The following TIPIN variants were observed in gnomAD, a reference collection of about 807,000 sequenced individuals.
The protein encoded by TIPIN is TIMELESS-interacting protein.
TIPIN carries 29 observed loss-of-function variants against 35.6 expected under a neutral mutation model. The observed-to-expected ratio is 0.82, with a 90% CI of 0.61 to 1.11. The LOEUF (loss-of-function observed/expected upper bound fraction) is 1.11, where lower values mean the gene tolerates loss of function less well. TIPIN is among the 50% of genes most tolerant of loss of function. TIPIN has a pLI of 0.00. For missense variants in TIPIN, 296 were observed against 345.4 expected (o/e 0.86, Z 1.13); for synonymous variants, 102 against 121.5 (o/e 0.84, Z 1.06).
At chr15:66,344,261 C>T (rs749063273) in intron 6 of TIPIN, among the ~76,000 whole-genome samples, 1 of 151,876 alleles carries the variant, frequency 6.6e-6, no homozygotes, top group Non-Finnish European at 1.5e-5. Flanking sequence ...ACTCTGGTCC[C>T]TAACTCCTGG....
chr15:66,345,391 T>C (rs1438506714), intron 6 of TIPIN, among the ~76,000 whole-genome samples: 3 of 151,906 alleles, frequency 2.0e-5, no homozygotes, highest in South Asian at 4.2e-4. Context: ...TTGGGCAACA[T>C]AGTGAGATCC....
intron 1 of TIPIN, among the ~76,000 whole-genome samples, chr15:66,378,871 G>A (rs2093307496): frequency 6.6e-6 from 1 of 151,804 alleles, no homozygotes; most frequent in South Asian, 2.1e-4. Flanking sequence ...CAAGTAGCTG[G>A]GACTACAGGG....
At chr15:66,375,066 C>T (rs1169012054) in intron 1 of TIPIN, among the ~76,000 whole-genome samples, 1 of 151,772 alleles carries the variant, frequency 6.6e-6, no homozygotes, top group African/African-American at 2.4e-5. Flanking sequence ...TGTGTTAATG[C>T]GTAGGGGTTC....
At chr15:66,373,191 C>G (rs1303527768) in intron 1 of TIPIN, among the ~76,000 whole-genome samples, 3 of 151,984 alleles carry the variant, frequency 2.0e-5, no homozygotes, top group African/African-American at 7.2e-5. Context: ...GACTGTATAT[C>G]GAAATAAAAT....
At chr15:66,359,619 G>A (rs192803053), upstream of TIPIN, among the ~76,000 whole-genome samples, 149 of 152,280 alleles carry the variant, frequency 9.8e-4, no homozygotes, top group Middle Eastern at 3.4e-3. Context: ...AAAGTGCTGG[G>A]ATTACAGGCG....
chr15:66,349,136 A>C lies in TIPIN; in HGVS notation c.412-13T>G. ...GTTTTAAACAGGTCTGAAAATGAAA[A>C]GAGATTATTTATTTTTACCTCTTTA... On this transcript the variant is annotated splice_polypyrimidine_tract_variant and intron_variant, in intron 5 of 7. Coordinates refer to ENST00000261881, the MANE Select transcript of TIPIN (RefSeq NM_017858.3). 1 of 1,609,824 alleles carries C rather than the reference A, an allele frequency of 6.2e-7. No individual in the cohort carries two copies. Among genetic ancestry groups the C allele is most frequent in the Non-Finnish European group, 8.5e-7 (1 of 1,177,998 alleles).
intron 1 of TIPIN, among the ~76,000 whole-genome samples, chr15:66,353,903 G>T (rs1268965754): frequency 6.6e-6 from 1 of 151,946 alleles, no homozygotes; most frequent in African/African-American, 2.4e-5. Flanking sequence ...GACGGACCAT[G>T]AGGTCAGGAG....
intron 3 of TIPIN, 48 bp downstream of exon 3, chr15:66,352,081 G>C (rs762111181): frequency 7.2e-7 from 1 of 1,396,820 alleles, no homozygotes; most frequent in Non-Finnish European, 9.8e-7. Context: ...AAAAACAATG[G>C]ATATTAAAAA....
At chr15:66,371,104 G>T in intron 1 of TIPIN, 1 of 405,474 alleles carries the variant, frequency 2.5e-6, no homozygotes, top group Non-Finnish European at 3.3e-6. Context: ...CCAGCTACTC[G>T]GAAGGCTGAG....
chr15:66,373,695 A>G (rs1316045894), intron 1 of TIPIN, among the ~76,000 whole-genome samples: 1 of 148,890 alleles, frequency 6.7e-6, no homozygotes, highest in African/African-American at 2.4e-5. Flanking sequence ...TTTTTTTATT[A>G]ATTAATTAAT....
intron 1 of TIPIN, among the ~76,000 whole-genome samples, chr15:66,385,449 CTTAT>C (rs1197847836): frequency 3.9e-4 from 59 of 151,978 alleles, no homozygotes; most frequent in Non-Finnish European, 1.2e-4. Flanking sequence ...TTATTCACAT[CTTAT>C]TTCTTTAGTA....
chr15:66,371,190 AAC>A lies in TIPIN; in HGVS notation c.-9+15415_-9+15416del, dbSNP rs911573414. The A allele has an allele frequency of 8.3e-6, 8 of 968,204 alleles. No homozygotes were observed. In the African/African-American group the frequency reaches 1.5e-4, roughly 18 times the overall value. 60.0% of individuals were successfully genotyped at this position (968,204 alleles called of 1,614,324 possible). On this transcript the variant is annotated intron_variant, in intron 1 of 7. Coordinates refer to the TIPIN transcript ENST00000562124. The stretch of plus-strand genomic sequence containing the variant: ...CTCGCCATTGCACTGCAGGCTGGGC[AAC>A]AGAGGGAAACTCTCAAAAAAAAAAA...
Position 66,352,854 on chromosome 15 carries a change from G to T in TIPIN, c.94C>A (p.Pro32Thr). The change falls in exon 2 of 8, where the codon CCA (proline) becomes ACA (threonine). Residue 32 changes from proline to threonine, a missense_variant. Pro to Thr is a conservative substitution (Grantham distance 38). Transcript: ENST00000261881. Reference sequence around the variant, plus strand: ...GTTCCTTCACCATCTTGTCTCTCTGGAGAGGCTGGAGGTGGGAAAGGAGGA... The same window carrying T: ...GTTCCTTCACCATCTTGTCTCTCTGTAGAGGCTGGAGGTGGGAAAGGAGGA... ...TFPPFPPPAS[P>T]ERQDGEGTEP... 6.2e-7 allele frequency: 1 copy of T among 1,613,544 alleles called. No homozygotes were observed. The highest frequency in any genetic ancestry group is 8.5e-7 in the Non-Finnish European group (1 of 1,179,918).
At chr15:66,381,147 C>A (rs1199924857) in intron 1 of TIPIN, among the ~76,000 whole-genome samples, 1 of 151,904 alleles carries the variant, frequency 6.6e-6, no homozygotes, top group African/African-American at 2.4e-5. Flanking sequence ...ATAAATTATT[C>A]TCCTTCGGCC....
At chr15:66,343,280 A>T (rs896499813) in intron 6 of TIPIN, among the ~76,000 whole-genome samples, 3 of 152,242 alleles carry the variant, frequency 2.0e-5, no homozygotes, top group Non-Finnish European at 4.4e-5. Flanking sequence ...CCTTCTATCT[A>T]CATCATCCAT....
upstream of TIPIN, chr15:66,356,857 A>T: frequency 3.0e-6 from 1 of 330,524 alleles, no homozygotes; most frequent in Non-Finnish European, 4.3e-6. Flanking sequence ...TGAATTCTTC[A>T]GAGGAACTCA....
Position 66,352,905 on chromosome 15 carries a change from A to T in TIPIN, c.43T>A (p.Tyr15Asn). ...AAAGTTTCATCTTCTACATGCTCATAATCTGGTAGGTCAATCACGCCATTC... is the reference window on the plus strand; with the variant it reads ...AAAGTTTCATCTTCTACATGCTCATTATCTGGTAGGTCAATCACGCCATTC... ...QENGVIDLPDYEHVEDETFPP... is the reference protein window; with the variant it reads ...QENGVIDLPDNEHVEDETFPP... The change falls in exon 2 of 8, where the codon TAT becomes AAT. Residue 15 changes from tyrosine to asparagine, a missense_variant. By Grantham distance (143) the Tyr-to-Asn change is moderately radical. Coordinates refer to ENST00000261881, the MANE Select transcript of TIPIN (RefSeq NM_017858.3). The T allele has an allele frequency of 6.2e-7, 1 of 1,614,064 alleles. No individual in the cohort carries two copies. The highest frequency in any genetic ancestry group is 2.2e-5 in the East Asian group (1 of 44,872).
Position 66,349,392 on chromosome 15 carries a change from G to A in TIPIN, c.334C>T (p.His112Tyr), listed in dbSNP as rs1442483261. ...MLIRHMEHWAHRLFPKLQFED... is the reference protein window; with the variant it reads ...MLIRHMEHWAYRLFPKLQFED... The stretch of plus-strand genomic sequence containing the variant: ...AACTGCAGTTTAGGGAATAGCCTAT[G>A]TGCCCAGTGCTCCATGTGTCTGATT... The change falls in exon 5 of 8, where the codon CAT becomes TAT. Residue 112 changes from histidine to tyrosine, a missense_variant. Coordinates refer to ENST00000261881, the MANE Select transcript of TIPIN (RefSeq NM_017858.3). 6.2e-7 allele frequency: 1 copy of A among 1,613,786 alleles called. No homozygotes were observed. Among genetic ancestry groups the A allele is most frequent in the African/African-American group, 1.3e-5 (1 of 75,028 alleles).
intron 1 of TIPIN, chr15:66,371,275 C>T: frequency 3.0e-6 from 3 of 984,696 alleles, no homozygotes; most frequent in Non-Finnish European, 3.6e-6. Flanking sequence ...TGGTCTCCCT[C>T]CCCTCAACTA....
Sources: allele counts gnomAD v4.1 joint callset (sites outside exome capture counted in the v4.1 genomes callset), GRCh38; gene constraint gnomAD v4.1.1; transcripts MANE v1.5; gene names NCBI Gene and HGNC (gene_info 2026-07-23, HGNC 2026-07-21).